Variants in CRPPA observed in about 807,000 individuals in gnomAD.
CRPPA encodes D-ribitol-5-phosphate cytidylyltransferase.
A neutral mutation model predicts 52.0 loss-of-function variants in CRPPA; 43 were observed. That is an observed-to-expected ratio of 0.83 (90% CI 0.65 to 1.07). CRPPA has a LOEUF of 1.07. CRPPA is among the 50% of genes least tolerant of loss of function. The pLI is 0.00. For missense variants in CRPPA, 629 were observed against 551.7 expected, an observed-to-expected ratio of 1.14 and a Z score of -1.40; for synonymous variants, 250 against 203.5, an observed-to-expected ratio of 1.23 and a Z score of -1.94.
intron 8 of CRPPA, among the ~76,000 whole-genome samples, chr7:16,249,328 G>A (rs898101886): frequency 6.6e-6 from 1 of 152,186 alleles, no homozygotes; most frequent in African/African-American, 2.4e-5. Flanking sequence ...GTCCCCGCCT[G>A]ATGGCTCTGA....
chr7:16,204,605 T>G (rs538980886), intron 9 of CRPPA, among the ~76,000 whole-genome samples: 1 of 152,272 alleles, frequency 6.6e-6, no homozygotes, highest in African/African-American at 2.4e-5. Flanking sequence ...ATTGCACTTG[T>G]TCTCCCTTAA....
At chr7:16,347,791 C>G (rs1056626533) in intron 3 of CRPPA, among the ~76,000 whole-genome samples, 17 of 152,134 alleles carry the variant, frequency 1.1e-4, no homozygotes, top group Admixed American at 5.9e-4. Flanking sequence ...TTCCCAGCAC[C>G]CAGCTTCTCC....
intron 6 of CRPPA, among the ~76,000 whole-genome samples, chr7:16,275,347 A>G (rs1784178661): frequency 6.6e-6 from 1 of 152,172 alleles, no homozygotes; most frequent in African/African-American, 2.4e-5. Flanking sequence ...GTCTGGGTCC[A>G]AAGCACATTC....
intron 1 of CRPPA, among the ~76,000 whole-genome samples, chr7:16,420,505 G>A (rs1562696343): frequency 6.6e-6 from 1 of 152,098 alleles, no homozygotes; most frequent in Non-Finnish European, 1.5e-5. Flanking sequence ...GATAAAGGGG[G>A]TATGACCTCA....
At chr7:16,282,422 AC>A (rs1784337812) in intron 5 of CRPPA, among the ~76,000 whole-genome samples, 1 of 152,082 alleles carries the variant, frequency 6.6e-6, no homozygotes, top group African/African-American at 2.4e-5. Context: ...TTTAAACACC[AC>A]CCCATTAAGT....
At chr7:16,313,356 T>C (rs1306792632) in intron 3 of CRPPA, among the ~76,000 whole-genome samples, 3 of 152,068 alleles carry the variant, frequency 2.0e-5, no homozygotes, top group Non-Finnish European at 4.4e-5. Context: ...AGGCACAGAG[T>C]TGCTCATTAT....
chr7:16,221,763 T>C (rs911505682), intron 8 of CRPPA, among the ~76,000 whole-genome samples: 2 of 151,696 alleles, frequency 1.3e-5, no homozygotes, highest in African/African-American at 4.8e-5. Context: ...CTCACACCAG[T>C]TAGAATGGCG....
intron 3 of CRPPA, among the ~76,000 whole-genome samples, chr7:16,352,097 G>A (rs977303744): frequency 6.6e-6 from 1 of 152,146 alleles, no homozygotes; most frequent in Non-Finnish European, 1.5e-5. Flanking sequence ...AAAAGGATGA[G>A]TTCATGTCCT....
chr7:16,155,520 T>G (rs1179565998), intron 9 of CRPPA, among the ~76,000 whole-genome samples: 1 of 152,230 alleles, frequency 6.6e-6, no homozygotes, highest in Non-Finnish European at 1.5e-5. Context: ...TCTCCTCTTC[T>G]GCCCACTCAG....
intron 4 of CRPPA, among the ~76,000 whole-genome samples, chr7:16,302,022 T>C (rs1024093818): frequency 1.3e-5 from 2 of 152,136 alleles, no homozygotes; most frequent in Admixed American, 6.5e-5. Flanking sequence ...CTAAGAACAA[T>C]GATGATCTTT....
intron 9 of CRPPA, among the ~76,000 whole-genome samples, chr7:16,183,578 T>A (rs552910194): frequency 1.4e-4 from 21 of 152,336 alleles, no homozygotes; most frequent in East Asian, 9.7e-4. Context: ...TATGGCCTTA[T>A]AACTATAACT....
At chr7:16,387,406 C>A (rs2128314136) in intron 2 of CRPPA, among the ~76,000 whole-genome samples, 1 of 151,444 alleles carries the variant, frequency 6.6e-6, no homozygotes, top group South Asian at 2.1e-4. Flanking sequence ...CAATGAAACT[C>A]AAAAAATTAG....
At chr7:16,215,996 A>T in intron 9 of CRPPA, 70 bp downstream of exon 9, 1 of 1,212,572 alleles carries the variant, frequency 8.2e-7, no homozygotes, top group African/African-American at 1.5e-5. Context: ...TCCTGCTTTT[A>T]ACAAATCAGA....
chr7:16,095,871 T>A (rs1280420645), intron 9 of CRPPA, among the ~76,000 whole-genome samples: 1 of 152,150 alleles, frequency 6.6e-6, no homozygotes, highest in Non-Finnish European at 1.5e-5. Context: ...CTCCTAACTG[T>A]GCATGCCCAA....
At chr7:16,353,772 C>T (rs1045179664) in intron 3 of CRPPA, among the ~76,000 whole-genome samples, 1 of 151,900 alleles carries the variant, frequency 6.6e-6, no homozygotes, top group African/African-American at 2.4e-5. Flanking sequence ...ATCACTTGAA[C>T]CCGGGAGGCA....
At chr7:16,141,345 C>A (rs935018098) in intron 9 of CRPPA, among the ~76,000 whole-genome samples, 4 of 152,136 alleles carry the variant, frequency 2.6e-5, no homozygotes, top group Non-Finnish European at 5.9e-5. Context: ...CAACACTCAG[C>A]ATCTGATTTG....
At chr7:16,267,178 A>G (rs1050742055) in intron 6 of CRPPA, among the ~76,000 whole-genome samples, 3 of 152,220 alleles carry the variant, frequency 2.0e-5, no homozygotes, top group African/African-American at 7.2e-5. Flanking sequence ...CATTTGACCA[A>G]TATTTATTGA....
At chr7:16,322,322 C>T (rs1344883813) in intron 3 of CRPPA, among the ~76,000 whole-genome samples, 1 of 151,974 alleles carries the variant, frequency 6.6e-6, no homozygotes, top group Non-Finnish European at 1.5e-5. Flanking sequence ...CTAACTTGGG[C>T]AAGATAGCTT....
intron 9 of CRPPA, among the ~76,000 whole-genome samples, chr7:16,129,833 C>A (rs1281225903): frequency 6.6e-6 from 1 of 152,142 alleles, no homozygotes. Context: ...CTTCCTCCCA[C>A]CTTTTCCTTT....
Sources: allele counts gnomAD v4.1 joint callset (sites outside exome capture counted in the v4.1 genomes callset), GRCh38; gene constraint gnomAD v4.1.1; transcripts MANE v1.5; gene names NCBI Gene and HGNC (gene_info 2026-07-23, HGNC 2026-07-21).